ACTR3B: variants seen among roughly 807,000 people sequenced by gnomAD.
The protein encoded by ACTR3B is actin related protein 3B.
A neutral mutation model predicts 59.0 loss-of-function variants in ACTR3B; 8 were observed. The observed-to-expected ratio is 0.14, with a 90% CI of 0.08 to 0.24. ACTR3B has a LOEUF of 0.24. Among genes scored for constraint, ACTR3B ranks in the 10% least tolerant of loss-of-function variants. The pLI, the probability that ACTR3B is intolerant of heterozygous loss-of-function variation, is 1.00. For missense variants in ACTR3B, 245 were observed against 552.3 expected, an observed-to-expected ratio of 0.44 and a Z score of 5.58; for synonymous variants, 148 against 197.9, an observed-to-expected ratio of 0.75 and a Z score of 2.12.
chr7:152,852,002 CT>C, intron 9 of ACTR3B, 123 bp from the exon 10 acceptor site: 1 of 1,346,210 alleles, frequency 7.4e-7, no homozygotes, highest in Non-Finnish European at 1.0e-6. Flanking sequence ...TTGTTCGCAT[CT>C]TTCATAGGGC....
intron 1 of ACTR3B, among the ~76,000 whole-genome samples, chr7:152,772,304 A>C (rs2098125935): frequency 6.7e-6 from 1 of 148,190 alleles, no homozygotes; most frequent in Non-Finnish European, 1.5e-5. Context: ...GGATTGCTTG[A>C]GCCCAGGAGT....
chr7:152,812,717 G>T (rs1038437979), intron 4 of ACTR3B: 1 of 149,578 alleles, frequency 6.7e-6, no homozygotes, highest in Non-Finnish European at 1.5e-5. Context: ...TTCTTGGGTC[G>T]TACCTTCTTC....
intron 6 of ACTR3B, among the ~76,000 whole-genome samples, chr7:152,817,333 A>G (rs1013700635): frequency 2.0e-5 from 3 of 151,974 alleles, no homozygotes; most frequent in Non-Finnish European, 4.4e-5. Flanking sequence ...GTGAGCCGAG[A>G]TCGCACCATT....
chr7:152,814,178 G>A (rs1343696722), intron 4 of ACTR3B: 3 of 203,994 alleles, frequency 1.5e-5, no homozygotes, highest in African/African-American at 2.8e-5. Flanking sequence ...TGAAGTCACC[G>A]GTTCGCCTTT....
At position 152,824,807 on chromosome 7, in the gene ACTR3B, C is replaced by A. The variant is rs1441012527; in HGVS notation, c.859-223C>A. On this transcript the variant is annotated intron_variant, in intron 8 of 11. Coordinates refer to ENST00000256001, the MANE Select transcript of ACTR3B (RefSeq NM_020445.6). The surrounding 1 kb of genome is among the most constrained non-coding windows in gnomAD (Gnocchi z 4.2). Reference sequence around the variant, plus strand: ...GTCTGTGATGTTGTTGGTATTTTTTCTTCACTAAATCCATACATTTTACCT... The same window carrying A: ...GTCTGTGATGTTGTTGGTATTTTTTATTCACTAAATCCATACATTTTACCT... Among the ~76,000 whole-genome samples, 1 of 152,050 alleles carries A rather than the reference C, an allele frequency of 6.6e-6. No individual in the cohort carries two copies. Among genetic ancestry groups the A allele is most frequent in the Non-Finnish European group, 1.5e-5 (1 of 68,020 alleles).
intron 9 of ACTR3B, 87 bp downstream of exon 9, chr7:152,825,209 T>C: frequency 7.7e-7 from 1 of 1,304,634 alleles, no homozygotes; most frequent in Non-Finnish European, 1.0e-6. Flanking sequence ...TGTCTATTAC[T>C]AGTAAATATC....
chr7:152,799,590 A>G (rs2098228154), intron 2 of ACTR3B, among the ~76,000 whole-genome samples: 1 of 152,236 alleles, frequency 6.6e-6, no homozygotes, highest in Non-Finnish European at 1.5e-5. Context: ...ATGTCAAGGA[A>G]TCTATAGTTT....
chr7:152,785,209 G>A (rs932289389), intron 2 of ACTR3B, among the ~76,000 whole-genome samples: 2 of 150,934 alleles, frequency 1.3e-5, no homozygotes, highest in African/African-American at 2.4e-5. Flanking sequence ...TAATAGAGAC[G>A]GGAAGCGAAG....
Position 152,820,289 on chromosome 7 carries a change from T to A in ACTR3B, c.541-10T>A. 1 of 1,576,116 alleles carries A rather than the reference T, an allele frequency of 6.3e-7. No homozygotes were observed. Among genetic ancestry groups the A allele is most frequent in the East Asian group, 2.2e-5 (1 of 44,480 alleles). ...CTAACACAGCTGTTCTGCCTCCTCT[T>A]CTTCCCTAGGCAGAAGGTTATGTAA... On this transcript the variant is annotated splice_polypyrimidine_tract_variant and intron_variant, in intron 6 of 11. Coordinates refer to ENST00000256001, the MANE Select transcript of ACTR3B (RefSeq NM_020445.6).
At chr7:152,805,881 G>T (rs1300706822) in intron 4 of ACTR3B, among the ~76,000 whole-genome samples, 1 of 152,192 alleles carries the variant, frequency 6.6e-6, no homozygotes, top group Non-Finnish European at 1.5e-5. Context: ...GAGGGGCATG[G>T]AGGTGGAGTA....
At chr7:152,800,782 A>G (rs1467252335) in intron 3 of ACTR3B, 127 bp downstream of exon 3, 5 of 1,244,352 alleles carry the variant, frequency 4.0e-6, no homozygotes, top group Non-Finnish European at 5.5e-6. Flanking sequence ...ATGTTTGAAT[A>G]GAGGTGGTGG....
At chr7:152,839,208 G>A (rs1230721693) in intron 9 of ACTR3B, among the ~76,000 whole-genome samples, 3 of 145,706 alleles carry the variant, frequency 2.1e-5, no homozygotes, top group East Asian at 4.0e-4. Flanking sequence ...GTCACAGGAA[G>A]GGAGGCAGTG....
intron 2 of ACTR3B, among the ~76,000 whole-genome samples, chr7:152,790,886 T>G (rs2098193374): frequency 6.6e-6 from 1 of 152,218 alleles, no homozygotes; most frequent in Non-Finnish European, 1.5e-5. Flanking sequence ...CTTCCTTAGA[T>G]TGCCCTCAGA....
intron 1 of ACTR3B, among the ~76,000 whole-genome samples, chr7:152,765,306 G>A (rs939532707): frequency 1.3e-5 from 2 of 151,824 alleles, no homozygotes; most frequent in South Asian, 2.1e-4. Flanking sequence ...TAATAGAGAC[G>A]GGGTTTCTCC....
intron 9 of ACTR3B, among the ~76,000 whole-genome samples, chr7:152,833,406 A>G (rs11761126): frequency 0.53 from 80,341 of 151,958 alleles, 23,199 homozygotes; most frequent in East Asian, 0.71. Flanking sequence ...AAAAAGCTCC[A>G]GTTCCTAAGG....
chr7:152,811,262 T>C (rs566912994), intron 4 of ACTR3B: 24 of 148,844 alleles, frequency 1.6e-4, no homozygotes, highest in Non-Finnish European at 3.0e-4. Context: ...CTCACTTCCA[T>C]TGAACACATC....
At position 152,824,698 on chromosome 7, in the gene ACTR3B, C is replaced by T. The variant is rs1284985800; in HGVS notation, c.859-332C>T. 6.6e-6 allele frequency among the ~76,000 whole-genome samples: 1 copy of T among 152,204 alleles called. No homozygotes were observed. The highest frequency in any genetic ancestry group is 2.4e-5 in the African/African-American group (1 of 41,428). On this transcript the variant is annotated intron_variant, in intron 8 of 11. Transcript: ENST00000256001. This position sits in a 1 kb window ranked among gnomAD's most constrained non-coding sequence, Gnocchi z 4.2. Reference sequence around the variant, plus strand: ...TGATATGTCAAAGTCATGTTTCTCACTGCGTGTCACATAGATCGTGCACAT... The same window carrying T: ...TGATATGTCAAAGTCATGTTTCTCATTGCGTGTCACATAGATCGTGCACAT...
intron 9 of ACTR3B, among the ~76,000 whole-genome samples, chr7:152,843,655 A>T (rs1798040875): frequency 6.6e-6 from 1 of 152,266 alleles, no homozygotes; most frequent in Admixed American, 6.5e-5. Flanking sequence ...AACCTATTAC[A>T]GAGACATGAC....
At chr7:152,809,896 C>G (rs2098264395) in intron 4 of ACTR3B, among the ~76,000 whole-genome samples, 2 of 143,094 alleles carry the variant, frequency 1.4e-5, no homozygotes, top group East Asian at 4.3e-4. Context: ...TGTTGCACAC[C>G]TTGGATTTTT....
Sources: gnomAD v4.1 joint callset for allele counts (sites outside exome capture counted in the v4.1 genomes callset) on GRCh38, gnomAD v4.1.1 for gene constraint, Gnocchi (gnomAD v3.1) non-coding constraint, MANE v1.5 for transcripts, NCBI Gene and HGNC (gene_info 2026-07-23, HGNC 2026-07-21) for gene names.